NAA38: variants seen among roughly 807,000 people sequenced by gnomAD.
NAA38 encodes the protein N-alpha-acetyltransferase 38, NatC auxiliary subunit.
In NAA38, 15 loss-of-function variants were observed where a neutral mutation model predicts 12.6. The observed-to-expected ratio is 1.19, with a 90% CI of 0.79 to 1.83. The LOEUF (loss-of-function observed/expected upper bound fraction) is 1.83. Ranked by LOEUF, NAA38 falls within the 40% of genes most tolerant of loss-of-function variation. The pLI is 0.00. For missense variants in NAA38, 183 were observed against 171.7 expected (o/e 1.07, Z -0.37); for synonymous variants, 88 against 69.9 (o/e 1.26, Z -1.29).
intron 1 of NAA38, chr17:7,884,722 G>GGAA: frequency 2.8e-6 from 1 of 356,536 alleles, no homozygotes; most frequent in Non-Finnish European, 4.9e-6. Context: ...AGGAGGAGGA[G>GGAA]GAGGAGGAGG....
chr17:7,879,480 C>T (rs1310354348), intron 2 of NAA38, among the ~76,000 whole-genome samples: 5 of 151,638 alleles, frequency 3.3e-5, no homozygotes, highest in Admixed American at 3.3e-4. Context: ...TAACTTTCTA[C>T]GATCCTAAAA....
rs754497944 is a variant in NAA38 at position 7,857,206 on chromosome 17, G to A, written c.82-8C>T. ...GCGCTCTCCGTCCGAATCCTGCGCG[G>A]GGTGTAACAAGCGCTCAGACCGCGC... On this transcript the variant is annotated splice_region_variant and splice_polypyrimidine_tract_variant and intron_variant, in intron 1 of 2. Coordinates refer to ENST00000575771, the MANE Select transcript of NAA38 (RefSeq NM_001320925.4). 2 of 1,612,940 alleles carry A rather than the reference G, an allele frequency of 1.2e-6. No individual in the cohort carries two copies. The highest frequency in any genetic ancestry group is 1.7e-6 in the Non-Finnish European group (2 of 1,179,960).
chr17:7,870,445 C>A (rs571756889), intron 2 of NAA38, among the ~76,000 whole-genome samples: 11 of 151,998 alleles, frequency 7.2e-5, no homozygotes, highest in African/African-American at 2.7e-4. Flanking sequence ...GATGAGCAGA[C>A]CAGATAAAAT....
chr17:7,885,109 C>T (rs191420949), intron 1 of NAA38: 10 of 982,700 alleles, frequency 1.0e-5, no homozygotes, highest in African/African-American at 8.9e-5. Context: ...GACTCCCCCC[C>T]CAAGCCCGAG....
chr17:7,857,857 C>G (rs1429673044), upstream of NAA38: 5 of 1,378,834 alleles, frequency 3.6e-6, no homozygotes, highest in Non-Finnish European at 3.8e-6. Flanking sequence ...TTCTCTGCCC[C>G]ACCCCGCAAC....
At chr17:7,874,828 T>C (rs1333197275) in intron 2 of NAA38, among the ~76,000 whole-genome samples, 5 of 136,584 alleles carry the variant, frequency 3.7e-5, no homozygotes, top group Non-Finnish European at 6.0e-5. Context: ...GAGGTTGCAG[T>C]GAACCAAGAT....
Position 7,857,211 on chromosome 17 carries a change from T to C in NAA38, c.82-13A>G, listed in dbSNP as rs1210766040. 1 of 1,612,802 alleles carries C rather than the reference T, an allele frequency of 6.2e-7. No homozygotes were observed. Among genetic ancestry groups the C allele is most frequent in the Non-Finnish European group, 8.5e-7 (1 of 1,179,912 alleles). ...CTCCGTCCGAATCCTGCGCGGGGTG[T>C]AACAAGCGCTCAGACCGCGCAGCCC... On this transcript the variant is annotated splice_polypyrimidine_tract_variant and intron_variant, in intron 1 of 2. Transcript: ENST00000575771.
intron 2 of NAA38, among the ~76,000 whole-genome samples, chr17:7,871,507 A>G (rs985835804): frequency 2.0e-5 from 3 of 152,144 alleles, no homozygotes; most frequent in Non-Finnish European, 2.9e-5. Context: ...TATTTCATCA[A>G]GAATACAAAC....
intron 2 of NAA38, among the ~76,000 whole-genome samples, chr17:7,877,371 C>CT (rs1967192534): frequency 7.4e-6 from 1 of 135,482 alleles, no homozygotes; most frequent in Admixed American, 7.2e-5. Context: ...TAAATGATGT[C>CT]ATTTTTTTTT....
Position 7,878,067 on chromosome 17 carries a change from T to C in NAA38, c.-66+5168A>G, listed in dbSNP as rs180826884. On this transcript the variant is annotated intron_variant, in intron 2 of 4. Transcript: ENST00000576861. Reference sequence around the variant, plus strand: ...GTAGCATGCAAGATGCTTTTACTTTTATTGATTTTTATTTTAACAATATTG... The same window carrying C: ...GTAGCATGCAAGATGCTTTTACTTTCATTGATTTTTATTTTAACAATATTG... Among the ~76,000 whole-genome samples, 265 of 152,306 alleles carry C rather than the reference T, an allele frequency of 1.7e-3. 1 individual carries two copies. The highest frequency in any genetic ancestry group is 5.4e-3 in the African/African-American group (226 of 41,574).
In NAA38 at chr17:7,881,397, G is replaced by T. The variant is rs141631288; in HGVS notation, c.-66+1838C>A. The stretch of plus-strand genomic sequence containing the variant: ...GGAAAATGGCAAAAAGACTGAGACA[G>T]GCAGACTGTCTGAGGAACCAGAAAG... On this transcript the variant is annotated intron_variant, in intron 2 of 4. Coordinates refer to the NAA38 transcript ENST00000576861. 8.4e-3 allele frequency among the ~76,000 whole-genome samples: 1,275 copies of T among 152,100 alleles called. 22 individuals are homozygous for T. Among genetic ancestry groups the T allele is most frequent in the African/African-American group, 0.028 (1,174 of 41,492 alleles).
At chr17:7,866,683 C>G (rs1018186747) in intron 2 of NAA38, 1 of 408,698 alleles carries the variant, frequency 2.4e-6, no homozygotes, top group Non-Finnish European at 4.2e-6. Context: ...GACACTTTAT[C>G]TGATACCTCC....
At chr17:7,865,956 G>A (rs1012553269) in intron 3 of NAA38, 1 of 152,104 alleles carries the variant, frequency 6.6e-6, no homozygotes, top group Non-Finnish European at 1.5e-5. Context: ...TGGAAACTGT[G>A]AATACAAAAA....
intron 2 of NAA38, among the ~76,000 whole-genome samples, chr17:7,872,581 T>C (rs959814745): frequency 2.6e-5 from 4 of 152,224 alleles, no homozygotes; most frequent in Non-Finnish European, 5.9e-5. Context: ...CAGGCTGGTC[T>C]TGAACTCCTG....
chr17:7,872,916 G>T (rs934461031), intron 2 of NAA38, among the ~76,000 whole-genome samples: 1 of 152,164 alleles, frequency 6.6e-6, no homozygotes, highest in African/African-American at 2.4e-5. Context: ...GTGGAGAAGG[G>T]TGACAGGGCC....
chr17:7,867,171 C>G (rs1286999759), intron 2 of NAA38, among the ~76,000 whole-genome samples: 2 of 151,784 alleles, frequency 1.3e-5, no homozygotes, highest in South Asian at 2.1e-4. Context: ...CATGGTAAAG[C>G]TAAGAGGAAA....
At chr17:7,868,130 G>C (rs1295324966) in intron 2 of NAA38, among the ~76,000 whole-genome samples, 1 of 152,218 alleles carries the variant, frequency 6.6e-6, no homozygotes. Context: ...GCTGTAGCCA[G>C]TCAAGGATCA....
intron 2 of NAA38, among the ~76,000 whole-genome samples, chr17:7,872,127 T>C (rs559562009): frequency 2.0e-5 from 3 of 152,350 alleles, no homozygotes; most frequent in South Asian, 4.1e-4. Context: ...TGGTCTGTCA[T>C]TAATGGCACA....
chr17:7,860,920 G>C (rs543946147), upstream of NAA38: 2 of 152,278 alleles, frequency 1.3e-5, no homozygotes, highest in South Asian at 4.1e-4. Flanking sequence ...GCAAATTAGT[G>C]ACACTTTGGC....
Sources: gnomAD v4.1 joint callset for allele counts (sites outside exome capture counted in the v4.1 genomes callset) on GRCh38, gnomAD v4.1.1 for gene constraint, MANE v1.5 for transcripts, NCBI Gene and HGNC (gene_info 2026-07-23, HGNC 2026-07-21) for gene names.